The following C17orf50 variants were observed in gnomAD, a reference collection of about 807,000 sequenced individuals.
C17orf50 encodes uncharacterized protein C17orf50.
In C17orf50, 16 loss-of-function variants were observed where a neutral mutation model predicts 17.7. The observed-to-expected ratio is 0.90, with a 90% confidence interval of 0.61 to 1.37. C17orf50 has a LOEUF of 1.37. Among genes scored for constraint, C17orf50 ranks in the 40% most tolerant of loss-of-function variants. The pLI is 0.00. For missense variants in C17orf50, 271 were observed against 240.7 expected (o/e 1.13, Z -0.83); for synonymous variants, 125 against 111.0 (o/e 1.13, Z -0.80).
At chr17:35,761,071 T>C (rs1555601406) in intron 1 of C17orf50, 117 bp downstream of exon 1, 21 of 1,124,704 alleles carry the variant, frequency 1.9e-5, no homozygotes. Context: ...TCCATGTAGC[T>C]GCAAGCCCTC....
rs782385657 is a variant in C17orf50 at position 35,764,307 on chromosome 17, T to C, written c.314T>C (p.Leu105Pro). 2.1e-4 allele frequency: 311 copies of C among 1,494,778 alleles called. No individual in the cohort carries two copies. Among genetic ancestry groups the C allele is most frequent in the Non-Finnish European group, 2.3e-4 (260 of 1,126,892 alleles). The allele number at this position is 1,494,778 out of a possible 1,614,324, so 92.6% of individuals were successfully genotyped here. Reference protein sequence around the residue: ...WLGPLALLGGLTAPTDRKRSL... With the variant: ...WLGPLALLGGPTAPTDRKRSL... ...GGCCCCTTAGCGCTGCTGGGCGGCCTAACAGCTCCCACCGACAGGTGCCTG... is the reference window on the plus strand; with the variant it reads ...GGCCCCTTAGCGCTGCTGGGCGGCCCAACAGCTCCCACCGACAGGTGCCTG... Residue 105 changes from leucine to proline, a missense_variant, in exon 2 of 3, where the codon CTA (leucine) becomes CCA (proline). Leu to Pro is a moderately conservative substitution (Grantham distance 98). Coordinates refer to ENST00000605587, the MANE Select transcript of C17orf50 (RefSeq NM_145272.4).
chr17:35,764,518 G>A lies in C17orf50; in HGVS notation c.425G>A (p.Cys142Tyr). 1 of 1,597,270 alleles carries A rather than the reference G, an allele frequency of 6.3e-7. No homozygotes were observed. The change falls in exon 3 of 3, where the codon TGC becomes TAC. Residue 142 changes from cysteine (C) to tyrosine (Y), a missense_variant. By Grantham distance (194) the Cys-to-Tyr change is radical (BLOSUM62 -2). Transcript: ENST00000605587. ...TGTGCTTGCTGCGAGCTCCTCTTCT[G>A]CAAGAAATGCAGGAGTCTGCACAGC... ...GGCACCELLF[C>Y]KKCRSLHSHP...
At position 35,764,463 on chromosome 17, in the gene C17orf50, A is replaced by T. The variant is rs587628047; in HGVS notation, c.370A>T (p.Ile124Phe). The T allele has an allele frequency of 2.6e-5, 41 of 1,558,954 alleles. No homozygotes were observed. The South Asian group carries it at 4.8e-4, about 18-fold the overall frequency. The change falls in exon 3 of 3, where the codon ATC (isoleucine) becomes TTC (phenylalanine). Residue 124 changes from isoleucine to phenylalanine, a missense_variant. Ile to Phe is a conservative substitution (Grantham distance 21, BLOSUM62 0). Transcript: ENST00000605587. ...CCCGGAGGAGCCGTGCGTGCTGGAGATCCGGCGACGACCGCCGCGCCGCGG... is the reference window on the plus strand; with the variant it reads ...CCCGGAGGAGCCGTGCGTGCTGGAGTTCCGGCGACGACCGCCGCGCCGCGG... ...SLPEEPCVLE[I>F]RRRPPRRGGC...
At position 35,761,074 on chromosome 17, in the gene C17orf50, A is replaced by G. The variant is rs1454349864; in HGVS notation, c.13+120A>G. 2.7e-6 allele frequency: 3 copies of G among 1,097,452 alleles called. No individual in the cohort carries two copies. The Admixed American group carries it at 9.4e-5, about 34-fold the overall frequency. 68.0% of individuals were successfully genotyped at this position (1,097,452 alleles called of 1,614,324 possible). On this transcript the variant is annotated intron_variant, in intron 1 of 2. Coordinates refer to ENST00000605587, the MANE Select transcript of C17orf50 (RefSeq NM_145272.4). ...CTCAGTTACCCATCCATGTAGCTGCAAGCCCTCTCCTTTCGCCTTCCTGAA... is the reference window on the plus strand; with the variant it reads ...CTCAGTTACCCATCCATGTAGCTGCGAGCCCTCTCCTTTCGCCTTCCTGAA...
intron 1 of C17orf50, 144 bp downstream of exon 1, chr17:35,761,098 AATTTTTT>A: frequency 2.8e-6 from 2 of 711,496 alleles, no homozygotes; most frequent in Non-Finnish European, 4.2e-6. Context: ...CGCCTTCCTG[AATTTTTT>A]TTTTTTTTTT....
Position 35,764,709 on chromosome 17 carries a change from G to C in C17orf50, c.*91G>C, listed in dbSNP as rs1445156255. 5.1e-6 allele frequency: 7 copies of C among 1,379,542 alleles called. 1 individual carries two copies. Among genetic ancestry groups the C allele is most frequent in the South Asian group, 4.3e-5 (3 of 69,992 alleles). 85.5% of individuals were successfully genotyped at this position (1,379,542 alleles called of 1,614,324 possible). A position where few individuals can be genotyped will look rare whatever the true frequency, so the allele number is the denominator to read the frequency against. On this transcript the variant is annotated 3_prime_UTR_variant, in exon 3 of 3. Transcript: ENST00000605587. The stretch of plus-strand genomic sequence containing the variant: ...TCTCTTGGAGCGCGGAGCCCTCTTC[G>C]ACGCATTCCGCAGGACCGCCCCTTC...
Position 35,764,334 on chromosome 17 carries a change from G to A in C17orf50, c.332+9G>A, listed in dbSNP as rs1555602243. The A allele has an allele frequency of 2.0e-6, 3 of 1,466,422 alleles. No individual in the cohort carries two copies. The highest frequency in any genetic ancestry group is 2.7e-6 in the Non-Finnish European group (3 of 1,114,992). 90.8% of individuals were successfully genotyped at this position (1,466,422 alleles called of 1,614,324 possible). ...ACAGCTCCCACCGACAGGTGCCTGC[G>A]CGCTCCTCGACCGGGGCACGAGGGA... On this transcript the variant is annotated intron_variant, in intron 2 of 2. Transcript: ENST00000605587.
intron 1 of C17orf50, among the ~76,000 whole-genome samples, chr17:35,761,514 A>C (rs1555601517): frequency 2.0e-5 from 3 of 152,022 alleles, no homozygotes; most frequent in African/African-American, 7.2e-5. Context: ...CCCAGGCACA[A>C]GTGATTCTCC....
At chr17:35,762,078 A>AC (rs1555601636) in intron 1 of C17orf50, among the ~76,000 whole-genome samples, 1 of 151,416 alleles carries the variant, frequency 6.6e-6, no homozygotes, top group East Asian at 1.9e-4. Flanking sequence ...ACAACCTCCG[A>AC]CCCCTGGGTT....
chr17:35,764,505 G>A lies in C17orf50; in HGVS notation c.412G>A (p.Glu138Lys), dbSNP rs1555602382. 1 of 1,587,988 alleles carries A rather than the reference G, an allele frequency of 6.3e-7. No individual in the cohort carries two copies. Among genetic ancestry groups the A allele is most frequent in the East Asian group, 2.5e-5 (1 of 40,748 alleles). ...PPRRGGCACC[E>K]LLFCKKCRSL... ...GCGCCGCGGGGGCTGTGCTTGCTGC[G>A]AGCTCCTCTTCTGCAAGAAATGCAG... The change falls in exon 3 of 3, where the codon GAG becomes AAG. Residue 138 changes from glutamate to lysine, a missense_variant. Glu to Lys is a moderately conservative substitution (Grantham distance 56). Transcript: ENST00000605587.
At position 35,764,281 on chromosome 17, in the gene C17orf50, C is replaced by G. The variant is rs922001775; in HGVS notation, c.288C>G (p.Leu96=). ...RRADSGFWGW[L]GPLALLGGLT... ...CGGACAGCGGCTTCTGGGGCTGGCTCGGCCCCTTAGCGCTGCTGGGCGGCC... is the reference window on the plus strand; with the variant it reads ...CGGACAGCGGCTTCTGGGGCTGGCTGGGCCCCTTAGCGCTGCTGGGCGGCC... The change falls in exon 2 of 3, where the codon CTC becomes CTG. Residue 96 remains leucine (L), a synonymous_variant. Transcript: ENST00000605587. 1.3e-6 allele frequency: 2 copies of G among 1,533,596 alleles called. No homozygotes were observed. Among genetic ancestry groups the G allele is most frequent in the South Asian group, 2.4e-5 (2 of 81,966 alleles). The allele number at this position is 1,533,596 out of a possible 1,614,324, so 95.0% of individuals were successfully genotyped here.
chr17:35,764,687 C>T lies in C17orf50; in HGVS notation c.*69C>T, dbSNP rs1382955331. Reference sequence around the variant, plus strand: ...CCCAGACCCCCTACCGACCTTCTCTCTTGGAGCGCGGAGCCCTCTTCGACG... The same window carrying T: ...CCCAGACCCCCTACCGACCTTCTCTTTTGGAGCGCGGAGCCCTCTTCGACG... On this transcript the variant is annotated 3_prime_UTR_variant, in exon 3 of 3. Coordinates refer to ENST00000605587, the MANE Select transcript of C17orf50 (RefSeq NM_145272.4). 39 of 1,468,370 alleles carry T rather than the reference C, an allele frequency of 2.7e-5. No homozygotes were observed. Among genetic ancestry groups the T allele is most frequent in the Non-Finnish European group, 3.3e-5 (37 of 1,109,348 alleles). The allele number at this position is 1,468,370 out of a possible 1,614,324, so 91.0% of individuals were successfully genotyped here.
In C17orf50 at chr17:35,764,668, C is replaced by A; in HGVS notation, c.*50C>A. On this transcript the variant is annotated 3_prime_UTR_variant, in exon 3 of 3. Coordinates refer to ENST00000605587, the MANE Select transcript of C17orf50 (RefSeq NM_145272.4). The stretch of plus-strand genomic sequence containing the variant: ...CCCTCCATCATTTCCTGGCCCCAGA[C>A]CCCCTACCGACCTTCTCTCTTGGAG... 2.0e-6 allele frequency: 3 copies of A among 1,511,088 alleles called. No homozygotes were observed. The highest frequency in any genetic ancestry group is 2.6e-6 in the Non-Finnish European group (3 of 1,136,234). The allele number at this position is 1,511,088 out of a possible 1,614,324, so 93.6% of individuals were successfully genotyped here.
chr17:35,764,691 G>A lies in C17orf50; in HGVS notation c.*73G>A, dbSNP rs2085901064. On this transcript the variant is annotated 3_prime_UTR_variant, in exon 3 of 3. Transcript: ENST00000605587. ...GACCCCCTACCGACCTTCTCTCTTGGAGCGCGGAGCCCTCTTCGACGCATT... is the reference window on the plus strand; with the variant it reads ...GACCCCCTACCGACCTTCTCTCTTGAAGCGCGGAGCCCTCTTCGACGCATT... 4 of 1,452,774 alleles carry A rather than the reference G, an allele frequency of 2.8e-6. No individual in the cohort carries two copies. Among genetic ancestry groups the A allele is most frequent in the Non-Finnish European group, 3.6e-6 (4 of 1,097,898 alleles). The allele number at this position is 1,452,774 out of a possible 1,614,324, so 90.0% of individuals were successfully genotyped here. A position where few individuals can be genotyped will look rare whatever the true frequency, so the allele number is the denominator to read the frequency against.
At chr17:35,763,438 C>CTTT (rs782005643) in intron 1 of C17orf50, among the ~76,000 whole-genome samples, 47 of 101,482 alleles carry the variant, frequency 4.6e-4, no homozygotes, top group African/African-American at 1.5e-3. Context: ...CCATGCCCAG[C>CTTT]TTTTTTTTTT....
rs199950029 is a variant in C17orf50 at position 35,764,604 on chromosome 17, G to C, written c.511G>C (p.Ala171Pro). 1,198 of 1,584,390 alleles carry C rather than the reference G, an allele frequency of 7.6e-4. 1 individual carries two copies. The highest frequency in any genetic ancestry group is 9.9e-4 in the Non-Finnish European group (1,153 of 1,169,644). ...DHPDLGKAGA[A>P]GNS Reference sequence around the variant, plus strand: ...CCCGGATCTGGGTAAGGCGGGGGCCGCTGGGAACTCCTGAGCGCCCCCGCT... The same window carrying C: ...CCCGGATCTGGGTAAGGCGGGGGCCCCTGGGAACTCCTGAGCGCCCCCGCT... The change falls in exon 3 of 3, where the codon GCT (alanine) becomes CCT (proline). Residue 171 changes from alanine (A) to proline (P), a missense_variant. Coordinates refer to ENST00000605587, the MANE Select transcript of C17orf50 (RefSeq NM_145272.4).
rs782308149 is a variant in C17orf50 at position 35,764,282 on chromosome 17, G to C, written c.289G>C (p.Gly97Arg). 3 of 1,532,858 alleles carry C rather than the reference G, an allele frequency of 2.0e-6. No homozygotes were observed. The highest frequency in any genetic ancestry group is 1.2e-5 in the South Asian group (1 of 81,868). 95.0% of individuals were successfully genotyped at this position (1,532,858 alleles called of 1,614,324 possible). A position where few individuals can be genotyped will look rare whatever the true frequency, so the allele number is the denominator to read the frequency against. ...RADSGFWGWL[G>R]PLALLGGLTA... ...GGACAGCGGCTTCTGGGGCTGGCTC[G>C]GCCCCTTAGCGCTGCTGGGCGGCCT... The change falls in exon 2 of 3, where the codon GGC becomes CGC. Residue 97 changes from glycine to arginine, a missense_variant. Physicochemically the swap from Gly to Arg is moderately radical, Grantham distance 125. Transcript: ENST00000605587.
In C17orf50 at chr17:35,763,070, C is replaced by T. The variant is rs587690385; in HGVS notation, c.14-937C>T. Among the ~76,000 whole-genome samples the T allele has an allele frequency of 8.3e-4, 124 of 150,212 alleles. No individual in the cohort carries two copies. The South Asian group carries it at 0.013, about 15-fold the overall frequency. ...CCGGCAGGTGGAGCTTGCAGTGAGC[C>T]GAGATGGCACCACTGCACTCCAGCC... On this transcript the variant is annotated intron_variant, in intron 1 of 2. Transcript: ENST00000605587.
At chr17:35,763,117 G>A (rs1250668393) in intron 1 of C17orf50, among the ~76,000 whole-genome samples, 30 of 132,920 alleles carry the variant, frequency 2.3e-4, no homozygotes, top group Admixed American at 9.0e-4. Flanking sequence ...GCGAGACTCC[G>A]TCTCCAAAAA....
Sources: gnomAD v4.1 joint callset for allele counts (sites outside exome capture counted in the v4.1 genomes callset) on GRCh38, gnomAD v4.1.1 for gene constraint, MANE v1.5 for transcripts, NCBI Gene and HGNC (gene_info 2026-07-23, HGNC 2026-07-21) for gene names.